Variants in INTU observed in about 807,000 individuals in gnomAD.
INTU encodes inturned planar cell polarity protein.
A neutral mutation model predicts 100.5 loss-of-function variants in INTU; 68 were observed. That is an observed-to-expected ratio of 0.68 (90% CI 0.56 to 0.83). The LOEUF is 0.83. Ranked by LOEUF, INTU falls within the 40% of genes least tolerant of loss-of-function variation. The pLI, the probability that INTU is intolerant of heterozygous loss-of-function variation, is 0.00. For missense variants in INTU, 1,071 were observed against 1,114.7 expected (o/e 0.96, Z 0.56); for synonymous variants, 357 against 395.7 (o/e 0.90, Z 1.16).
chr4:127,653,310 T>C (rs1727995213), intron 2 of INTU, among the ~76,000 whole-genome samples: 1 of 131,862 alleles, frequency 7.6e-6, no homozygotes, highest in Non-Finnish European at 1.6e-5. Flanking sequence ...TTAATTGTGA[T>C]GTTAGGGTGT....
chr4:127,666,952 G>T (rs932496542), intron 4 of INTU, among the ~76,000 whole-genome samples: 1 of 151,988 alleles, frequency 6.6e-6, no homozygotes, highest in African/African-American at 2.4e-5. Flanking sequence ...TGGCAAAGAA[G>T]GAATTTACTT....
rs1004587963 is a variant in INTU at position 127,633,389 on chromosome 4, GTTTGT to G, written c.146+223_146+227del. On this transcript the variant is annotated intron_variant, in intron 1 of 15. Coordinates refer to ENST00000335251, the MANE Select transcript of INTU (RefSeq NM_015693.4). ...TCTTTGCTACTGTAGGTTGTTTTTT[GTTTGT>G]TTTGTTTTGTTTTTTCAATGATTCT... Among the ~76,000 whole-genome samples the G allele has an allele frequency of 5.3e-5, 8 of 152,196 alleles. No individual in the cohort carries two copies. In the East Asian group the frequency reaches 1.2e-3, roughly 22 times the overall value.
At chr4:127,710,247 G>A (rs1347214299) in intron 13 of INTU, among the ~76,000 whole-genome samples, 1 of 151,948 alleles carries the variant, frequency 6.6e-6, no homozygotes, top group Non-Finnish European at 1.5e-5. Context: ...ATGCAAAGAT[G>A]TTTTTATATG....
At chr4:127,653,536 G>A (rs1365405359) in intron 2 of INTU, among the ~76,000 whole-genome samples, 2 of 152,078 alleles carry the variant, frequency 1.3e-5, no homozygotes, top group Non-Finnish European at 2.9e-5. Flanking sequence ...GCAGTTTTGA[G>A]TGAGATTCTT....
chr4:127,633,143 G>T lies in INTU; in HGVS notation c.109G>T (p.Asp37Tyr). Residue 37 changes from aspartate to tyrosine, a missense_variant, in exon 1 of 16, where the codon GAC (aspartate) becomes TAC (tyrosine). Asp to Tyr is a radical substitution (Grantham distance 160). Coordinates refer to ENST00000335251, the MANE Select transcript of INTU (RefSeq NM_015693.4). The stretch of plus-strand genomic sequence containing the variant: ...CTATGATTTTGAAGATCGGGTCAGC[G>T]ACTCGGGTTCATATTCCTCAGCGAG... ...EDYDFEDRVS[D>Y]SGSYSSASSD... The T allele has an allele frequency of 6.2e-7, 1 of 1,613,994 alleles. No homozygotes were observed. Among genetic ancestry groups the T allele is most frequent in the Admixed American group, 1.7e-5 (1 of 60,018 alleles).
At chr4:127,637,431 A>G (rs1031964739) in intron 1 of INTU, among the ~76,000 whole-genome samples, 6 of 152,168 alleles carry the variant, frequency 3.9e-5, no homozygotes, top group African/African-American at 4.8e-5. Flanking sequence ...ATTGAAAATG[A>G]TTATCCACTT....
intron 2 of INTU, among the ~76,000 whole-genome samples, chr4:127,655,195 C>G (rs2391203): frequency 0.48 from 71,657 of 150,550 alleles, 17,476 homozygotes; most frequent in South Asian, 0.64. Flanking sequence ...AGAGTAATTT[C>G]ATCGTCTGAA....
At chr4:127,669,308 G>T (rs959260336) in intron 5 of INTU, among the ~76,000 whole-genome samples, 154 bp downstream of exon 5, 2 of 151,308 alleles carry the variant, frequency 1.3e-5, no homozygotes, top group Non-Finnish European at 3.0e-5. Flanking sequence ...GTATATACAC[G>T]TATATATCTA....
At chr4:127,667,726 G>C (rs564897013) in intron 4 of INTU, among the ~76,000 whole-genome samples, 1 of 151,942 alleles carries the variant, frequency 6.6e-6, no homozygotes, top group Admixed American at 6.6e-5. Flanking sequence ...TTAATTTCTA[G>C]ATATAAAATA....
chr4:127,703,496 A>G (rs1485111219), intron 9 of INTU, among the ~76,000 whole-genome samples: 1 of 152,204 alleles, frequency 6.6e-6, no homozygotes, highest in African/African-American at 2.4e-5. Context: ...ACACATGTAT[A>G]TAGTTGGTGG....
rs563801794 is a variant in INTU, at chr4:127,697,508, CCTT to C, written c.1450-2499_1450-2497del. 4.6e-5 allele frequency among the ~76,000 whole-genome samples: 7 copies of C among 152,106 alleles called. No homozygotes were observed. The South Asian group carries it at 1.5e-3, about 32-fold the overall frequency. On this transcript the variant is annotated intron_variant, in intron 8 of 15. Coordinates refer to ENST00000335251, the MANE Select transcript of INTU (RefSeq NM_015693.4). Reference sequence around the variant, plus strand: ...AATCACCATTCCCATTCTACTCTCTCCTTCTGTGATATCAGCTTTTTTAGGTTC... The same window carrying C: ...AATCACCATTCCCATTCTACTCTCTCCTGTGATATCAGCTTTTTTAGGTTC...
At chr4:127,636,194 A>G (rs2126170111) in intron 1 of INTU, among the ~76,000 whole-genome samples, 2 of 152,182 alleles carry the variant, frequency 1.3e-5, no homozygotes. Context: ...ACTTAAGCTC[A>G]GGGTTTCAAG....
chr4:127,663,730 A>T (rs1728579063), intron 4 of INTU, 146 bp downstream of exon 4: 1 of 613,534 alleles, frequency 1.6e-6, no homozygotes, highest in South Asian at 2.1e-5. Context: ...TTTCTTTAAA[A>T]TTGTGTATCT....
At chr4:127,711,980 C>A (rs1428167720) in intron 14 of INTU, among the ~76,000 whole-genome samples, 4 of 152,034 alleles carry the variant, frequency 2.6e-5, no homozygotes, top group African/African-American at 7.2e-5. Flanking sequence ...ATTTAAATGG[C>A]AGGAAAAGAT....
rs576473792 is a variant in INTU, at chr4:127,665,364, C to T, written c.972+1780C>T. ...AATTGTGCCTCACTTTTTCTTTACT[C>T]ATCATCCTCTTACATCGGAAACTGT... On this transcript the variant is annotated intron_variant, in intron 4 of 15. Coordinates refer to ENST00000335251, the MANE Select transcript of INTU (RefSeq NM_015693.4). Among the ~76,000 whole-genome samples, 5 of 151,786 alleles carry T rather than the reference C, an allele frequency of 3.3e-5. No homozygotes were observed. In the South Asian group the frequency reaches 1.0e-3, roughly 32 times the overall value.
At chr4:127,662,887 T>A (rs1432746324) in intron 3 of INTU, among the ~76,000 whole-genome samples, 1 of 152,214 alleles carries the variant, frequency 6.6e-6, no homozygotes, top group Non-Finnish European at 1.5e-5. Flanking sequence ...AGAAAGAATG[T>A]CTGAGAGAAG....
intron 6 of INTU, among the ~76,000 whole-genome samples, chr4:127,681,264 A>C: frequency 6.6e-6 from 1 of 152,194 alleles, no homozygotes; most frequent in African/African-American, 2.4e-5. Context: ...TTAAAGTTCA[A>C]ATGGAACCAA....
intron 14 of INTU, 113 bp from the exon 15 acceptor site, chr4:127,713,823 G>A (rs1731171484): frequency 5.9e-6 from 4 of 675,010 alleles, no homozygotes; most frequent in Non-Finnish European, 9.6e-6. Context: ...TAAGAAGAAT[G>A]TCATTGCAGG....
At chr4:127,645,138 G>C (rs1315204398) in intron 2 of INTU, among the ~76,000 whole-genome samples, 2 of 152,112 alleles carry the variant, frequency 1.3e-5, no homozygotes, top group East Asian at 3.9e-4. Context: ...GATCTCAACA[G>C]GATCTGCACA....
Sources: gnomAD v4.1 joint callset for allele counts (sites outside exome capture counted in the v4.1 genomes callset) on GRCh38, gnomAD v4.1.1 for gene constraint, MANE v1.5 for transcripts, NCBI Gene and HGNC (gene_info 2026-07-23, HGNC 2026-07-21) for gene names.